TAOK3: variants seen among roughly 807,000 people sequenced by gnomAD.
TAOK3 encodes serine/threonine-protein kinase TAO3.
In TAOK3, 40 loss-of-function variants were observed where a neutral mutation model predicts 120.4. That is an observed-to-expected ratio of 0.33 (90% CI 0.26 to 0.43). The LOEUF (loss-of-function observed/expected upper bound fraction) is 0.43, where lower values mean the gene tolerates loss of function less well. Among genes scored for constraint, TAOK3 ranks in the 20% least tolerant of loss-of-function variants. The pLI is 1.00. For missense variants in TAOK3, 821 were observed against 1,112.1 expected (o/e 0.74, Z 3.72); for synonymous variants, 355 against 387.5 (o/e 0.92, Z 0.99).
chr12:118,329,207 G>A (rs1339304255), intron 1 of TAOK3, among the ~76,000 whole-genome samples: 1 of 152,170 alleles, frequency 6.6e-6, no homozygotes, highest in Non-Finnish European at 1.5e-5. Flanking sequence ...AGAGAATATA[G>A]ATGTTTGGAC....
At chr12:118,207,850 ACT>A (rs1383512935) in intron 11 of TAOK3, among the ~76,000 whole-genome samples, 1 of 137,068 alleles carries the variant, frequency 7.3e-6, no homozygotes, top group Non-Finnish European at 1.6e-5. Flanking sequence ...ACGGCGCGAG[ACT>A]CTGTCTCACA....
chr12:118,193,049 G>GTTTTTTTTTTTT (rs11380296), intron 13 of TAOK3, among the ~76,000 whole-genome samples: 2 of 107,406 alleles, frequency 1.9e-5, no homozygotes, highest in African/African-American at 3.6e-5. Flanking sequence ...CCACGTTGTT[G>GTTTTTTTTTTTT]TTTTTTTTTT....
intron 5 of TAOK3, 51 bp downstream of exon 5, chr12:118,243,360 AAAAG>A: frequency 1.0e-6 from 1 of 987,074 alleles, no homozygotes; most frequent in South Asian, 1.5e-5. Context: ...TAATAGAAAA[AAAAG>A]AAAAAGAAAA....
chr12:118,352,848 T>C (rs1363251776), intron 1 of TAOK3, among the ~76,000 whole-genome samples: 3 of 152,066 alleles, frequency 2.0e-5, no homozygotes, highest in African/African-American at 4.8e-5. Flanking sequence ...GTAGCTGGGA[T>C]TACAGGTGTG....
intron 19 of TAOK3, among the ~76,000 whole-genome samples, chr12:118,155,919 T>C (rs1175536816): frequency 1.3e-5 from 2 of 152,120 alleles, no homozygotes; most frequent in African/African-American, 2.4e-5. Flanking sequence ...GTATTTTTTG[T>C]AAAGACAGGG....
chr12:118,173,684 T>C (rs1449286325), intron 16 of TAOK3, among the ~76,000 whole-genome samples: 1 of 152,240 alleles, frequency 6.6e-6, no homozygotes, highest in African/African-American at 2.4e-5. Context: ...ATTCACAATT[T>C]TTCCAGAACA....
intron 17 of TAOK3, among the ~76,000 whole-genome samples, chr12:118,169,319 C>CA (rs2035842712): frequency 1.7e-5 from 2 of 114,676 alleles, no homozygotes; most frequent in East Asian, 2.5e-4. Flanking sequence ...CACCCCCACC[C>CA]CCCCCCCTTT....
intron 1 of TAOK3, among the ~76,000 whole-genome samples, chr12:118,291,706 C>T (rs1193996696): frequency 6.6e-6 from 1 of 152,172 alleles, no homozygotes; most frequent in African/African-American, 2.4e-5. Context: ...TCTTAAGGAA[C>T]TGGCATTTGA....
At chr12:118,366,084 C>T (rs571004946) in intron 1 of TAOK3, among the ~76,000 whole-genome samples, 4 of 151,950 alleles carry the variant, frequency 2.6e-5, no homozygotes, top group Admixed American at 1.3e-4. Context: ...GTCAATATGG[C>T]GAAACCCCGT....
chr12:118,173,879 T>C (rs2036159866), intron 16 of TAOK3, among the ~76,000 whole-genome samples: 1 of 152,262 alleles, frequency 6.6e-6, no homozygotes. Context: ...GTGATGCCGA[T>C]ATCATAGACT....
chr12:118,257,185 G>A (rs1037697273), intron 2 of TAOK3, among the ~76,000 whole-genome samples: 1 of 152,142 alleles, frequency 6.6e-6, no homozygotes, highest in Non-Finnish European at 1.5e-5. Flanking sequence ...TAACAGCAAA[G>A]CCCATGCTCT....
At chr12:118,362,582 C>T (rs1457547472) in intron 1 of TAOK3, among the ~76,000 whole-genome samples, 7 of 152,230 alleles carry the variant, frequency 4.6e-5, no homozygotes, top group Non-Finnish European at 8.8e-5. Context: ...CGCAAATTGC[C>T]TAGATCACAC....
At chr12:118,363,128 T>C (rs1397840775) in intron 1 of TAOK3, among the ~76,000 whole-genome samples, 1 of 146,738 alleles carries the variant, frequency 6.8e-6, no homozygotes, top group Non-Finnish European at 1.5e-5. Context: ...ATAACAAATA[T>C]GAAACACTGA....
At chr12:118,348,830 GA>G (rs1020602596) in intron 1 of TAOK3, among the ~76,000 whole-genome samples, 1 of 146,298 alleles carries the variant, frequency 6.8e-6, no homozygotes, top group South Asian at 2.1e-4. Flanking sequence ...TGAGGGGGGA[GA>G]AAAAAAATAA....
chr12:118,328,112 G>C (rs965418987), intron 1 of TAOK3, among the ~76,000 whole-genome samples: 1 of 151,328 alleles, frequency 6.6e-6, no homozygotes, highest in African/African-American at 2.4e-5. Flanking sequence ...GGAGTGCAGT[G>C]GTGCGATTTT....
intron 1 of TAOK3, among the ~76,000 whole-genome samples, chr12:118,324,181 T>C (rs1459406472): frequency 6.6e-6 from 1 of 152,188 alleles, no homozygotes; most frequent in Non-Finnish European, 1.5e-5. Context: ...ATATGGTGTT[T>C]AGAAATACGG....
At chr12:118,203,297 A>G (rs182640766) in intron 11 of TAOK3, among the ~76,000 whole-genome samples, 1 of 152,306 alleles carries the variant, frequency 6.6e-6, no homozygotes, top group East Asian at 1.9e-4. Context: ...CAACTGCCCT[A>G]AAGTCCATAA....
In TAOK3 at chr12:118,243,426, G is replaced by A; in HGVS notation, c.283C>T (p.His95Tyr). Residue 95 changes from histidine to tyrosine, a missense_variant, in exon 5 of 21, where the codon CAC (histidine) becomes TAC (tyrosine). Physicochemically the swap from His to Tyr is moderately conservative, Grantham distance 83. Coordinates refer to ENST00000392533, the MANE Select transcript of TAOK3 (RefSeq NM_016281.4). Reference protein sequence around the residue: ...IEYKGCYLKEHTAWLVMEYCL... With the variant: ...IEYKGCYLKEYTAWLVMEYCL... ...GTCCTTCGACTTACCCAAGCAGTGT[G>A]TTCTTTCAAGTAACAGCCTTTGTAC... The A allele has an allele frequency of 6.4e-7, 1 of 1,562,248 alleles. No homozygotes were observed. Among genetic ancestry groups the A allele is most frequent in the Non-Finnish European group, 8.7e-7 (1 of 1,154,688 alleles).
intron 8 of TAOK3, among the ~76,000 whole-genome samples, chr12:118,234,435 G>A (rs762481114): frequency 9.2e-5 from 14 of 151,440 alleles, no homozygotes; most frequent in African/African-American, 1.5e-4. Flanking sequence ...TAGTAGAGAC[G>A]CGGTTTCACC....
Sources: gnomAD v4.1 joint callset for allele counts (sites outside exome capture counted in the v4.1 genomes callset) on GRCh38, gnomAD v4.1.1 for gene constraint, MANE v1.5 for transcripts, NCBI Gene and HGNC (gene_info 2026-07-23, HGNC 2026-07-21) for gene names.